The following PRELID2 variants were observed in gnomAD, a reference collection of about 807,000 sequenced individuals.
The protein encoded by PRELID2 is PRELI domain containing 2.
PRELID2 carries 25 observed loss-of-function variants against 28.4 expected under a neutral mutation model. The observed-to-expected ratio is 0.88, with a 90% CI of 0.64 to 1.23. PRELID2 has a LOEUF of 1.23. Ranked by LOEUF, PRELID2 falls within the 50% of genes most tolerant of loss-of-function variation. PRELID2 has a pLI of 0.00. For synonymous variants in PRELID2, 76 were observed against 71.6 expected (o/e 1.06, Z -0.31); for missense variants, 201 against 214.4 (o/e 0.94, Z 0.39).
intron 1 of PRELID2, among the ~76,000 whole-genome samples, chr5:145,621,176 T>A (rs576462136): frequency 1.3e-5 from 2 of 152,146 alleles, no homozygotes. Flanking sequence ...AAGAAGCACA[T>A]GAAAAATTGT....
chr5:145,624,833 A>G (rs1178456687), intron 1 of PRELID2, among the ~76,000 whole-genome samples: 2 of 152,196 alleles, frequency 1.3e-5, no homozygotes, highest in Admixed American at 1.3e-4. Context: ...CAACATGTGT[A>G]ATCAACAAAA....
At chr5:145,457,849 AGAAAC>A in the PRELID2 span, among the ~76,000 whole-genome samples, 1 of 152,230 alleles carries the variant, frequency 6.6e-6, no homozygotes, top group Admixed American at 6.5e-5. Context: ...AAGCTGCAGT[AGAAAC>A]CAGGGGTCTT....
chr5:145,288,638 T>C, the PRELID2 span, among the ~76,000 whole-genome samples: 4 of 152,230 alleles, frequency 2.6e-5, no homozygotes, highest in South Asian at 4.1e-4. Context: ...CAAGCTTTCT[T>C]AGCTGACAGA....
the PRELID2 span, among the ~76,000 whole-genome samples, chr5:145,413,949 T>C: frequency 6.6e-6 from 1 of 152,200 alleles, no homozygotes; most frequent in African/African-American, 2.4e-5. Context: ...GATGAACACT[T>C]GGTTCCACAT....
At chr5:145,714,688 G>A (rs187579001) in intron 1 of PRELID2, among the ~76,000 whole-genome samples, 10 of 152,102 alleles carry the variant, frequency 6.6e-5, no homozygotes, top group South Asian at 4.2e-4. Flanking sequence ...TATCTGTGTC[G>A]TAAGTTCACA....
the PRELID2 span, among the ~76,000 whole-genome samples, chr5:145,423,284 C>A: frequency 1.3e-5 from 2 of 148,608 alleles, no homozygotes; most frequent in Non-Finnish European, 3.0e-5. Flanking sequence ...CGTTGGCCTG[C>A]CTTGCTAGAT....
chr5:145,448,587 G>C, the PRELID2 span, among the ~76,000 whole-genome samples: 1 of 152,048 alleles, frequency 6.6e-6, no homozygotes, highest in African/African-American at 2.4e-5. Flanking sequence ...GAGACAAAGA[G>C]GGCCATTACA....
At chr5:145,279,760 C>A in the PRELID2 span, among the ~76,000 whole-genome samples, 1 of 148,466 alleles carries the variant, frequency 6.7e-6, no homozygotes, top group African/African-American at 2.5e-5. Flanking sequence ...CACATTAAAC[C>A]AAAAAATTAG....
chr5:145,592,769 A>C (rs1428532835), intron 1 of PRELID2, among the ~76,000 whole-genome samples: 1 of 152,170 alleles, frequency 6.6e-6, no homozygotes, highest in Admixed American at 6.5e-5. Flanking sequence ...ATAATTATAA[A>C]ATAACATTTA....
chr5:145,774,656 T>C (rs1758305795), intron 5 of PRELID2, among the ~76,000 whole-genome samples: 1 of 152,194 alleles, frequency 6.6e-6, no homozygotes, highest in South Asian at 2.1e-4. Flanking sequence ...GCTCACATTT[T>C]CCTCACCCTT....
intron 1 of PRELID2, among the ~76,000 whole-genome samples, chr5:145,676,439 T>C (rs1448344646): frequency 6.6e-6 from 1 of 152,006 alleles, no homozygotes; most frequent in Non-Finnish European, 1.5e-5. Context: ...CTCGGGAGGC[T>C]GAGGCAGGAG....
At chr5:145,613,405 AT>A (rs1293327146) in intron 1 of PRELID2, among the ~76,000 whole-genome samples, 1 of 149,404 alleles carries the variant, frequency 6.7e-6, no homozygotes, top group Admixed American at 6.6e-5. Context: ...TTAACTCATC[AT>A]TTACATTAGG....
the PRELID2 span, among the ~76,000 whole-genome samples, chr5:145,343,220 A>G: frequency 6.6e-5 from 10 of 152,130 alleles, no homozygotes; most frequent in South Asian, 2.1e-4. Flanking sequence ...CAGAGTATAT[A>G]TTCTTTTTAT....
chr5:145,672,029 G>A (rs78611067), intron 1 of PRELID2, among the ~76,000 whole-genome samples: 2,046 of 152,150 alleles, frequency 0.013, 38 homozygotes, highest in African/African-American at 0.047. Context: ...CAATGAGCTC[G>A]GACATACTCT....
Position 145,834,495 on chromosome 5 carries a change from G to C in PRELID2, c.75+682C>G, listed in dbSNP as rs934590622. On this transcript the variant is annotated intron_variant, in intron 1 of 6. Coordinates refer to ENST00000683046, the MANE Select transcript of PRELID2 (RefSeq NM_205846.3). ...TATTCTCCTTTAAAAACCCACTTTC[G>C]ACTTCTGCTCATCAGAATGTATACT... Among the ~76,000 whole-genome samples, 3 of 152,056 alleles carry C rather than the reference G, an allele frequency of 2.0e-5. No individual in the cohort carries two copies. The South Asian group carries it at 6.2e-4, about 32-fold the overall frequency.
the PRELID2 span, among the ~76,000 whole-genome samples, chr5:145,431,510 A>T: frequency 1.3e-5 from 2 of 152,164 alleles, no homozygotes; most frequent in Non-Finnish European, 2.9e-5. Flanking sequence ...GACTGACAAC[A>T]CCTTAATCAT....
At chr5:145,807,459 C>T (rs942929182) in intron 4 of PRELID2, among the ~76,000 whole-genome samples, 5 of 152,246 alleles carry the variant, frequency 3.3e-5, no homozygotes, top group Non-Finnish European at 5.9e-5. Flanking sequence ...TTCATAAATG[C>T]GCAGAGCATG....
chr5:145,642,270 G>A (rs1754120090), intron 1 of PRELID2, among the ~76,000 whole-genome samples: 1 of 152,150 alleles, frequency 6.6e-6, no homozygotes, highest in Admixed American at 6.5e-5. Flanking sequence ...GACCAGTGAT[G>A]ATGAGGTTTT....
At chr5:145,717,211 C>T (rs1174896480) in intron 1 of PRELID2, among the ~76,000 whole-genome samples, 3 of 152,060 alleles carry the variant, frequency 2.0e-5, no homozygotes, top group Admixed American at 6.6e-5. Flanking sequence ...GTCTGGCCCA[C>T]ACAAATCCCT....
Sources: allele counts gnomAD v4.1 joint callset (sites outside exome capture counted in the v4.1 genomes callset), GRCh38; gene constraint gnomAD v4.1.1; transcripts MANE v1.5; gene names NCBI Gene and HGNC (gene_info 2026-07-23, HGNC 2026-07-21).